HDLBP: variants seen among roughly 807,000 people sequenced by gnomAD.
The protein encoded by HDLBP is high density lipoprotein binding protein, also known as vigilin.
HDLBP carries 30 observed loss-of-function variants against 137.3 expected under a neutral mutation model. The observed-to-expected ratio is 0.22, with a 90% confidence interval of 0.16 to 0.30. The LOEUF is 0.30. Ranked by LOEUF, HDLBP falls within the 10% of genes least tolerant of loss-of-function variation. The pLI is 1.00. For missense variants in HDLBP, 1,119 were observed against 1,667.3 expected, an observed-to-expected ratio of 0.67 and a Z score of 5.73; for synonymous variants, 606 against 596.0, an observed-to-expected ratio of 1.02 and a Z score of -0.24.
At chr2:241,268,613 C>A in intron 1 of HDLBP, 72 bp from the exon 2 acceptor site, 1 of 509,696 alleles carries the variant, frequency 2.0e-6, no homozygotes, top group Non-Finnish European at 2.5e-6. Context: ...CATTTTACAA[C>A]TCAGATCTTT....
At chr2:241,247,843 C>CGTCA (rs1481667265) in intron 14 of HDLBP, among the ~76,000 whole-genome samples, 160 bp downstream of exon 14, 3 of 152,118 alleles carry the variant, frequency 2.0e-5, no homozygotes. Context: ...AGTGAGAAGC[C>CGTCA]GTCACCACTT....
intron 24 of HDLBP, among the ~76,000 whole-genome samples, chr2:241,231,951 C>T (rs1047807871): frequency 2.6e-5 from 4 of 151,312 alleles, no homozygotes; most frequent in Non-Finnish European, 5.9e-5. Flanking sequence ...CAACACGGAA[C>T]CATCATCACG....
At chr2:241,262,993 A>C in intron 4 of HDLBP, 67 bp from the exon 5 acceptor site, 1 of 1,221,608 alleles carries the variant, frequency 8.2e-7, no homozygotes. Flanking sequence ...TAGGGAGTAA[A>C]GAACATGTGT....
At chr2:241,302,467 C>G (rs2075428158) in intron 1 of HDLBP, among the ~76,000 whole-genome samples, 1 of 152,178 alleles carries the variant, frequency 6.6e-6, no homozygotes, top group South Asian at 2.1e-4. Flanking sequence ...TACTTGAGCT[C>G]AGGAGTTAGA....
chr2:241,268,604 AT>A, intron 1 of HDLBP, 63 bp from the exon 2 acceptor site: 1 of 559,962 alleles, frequency 1.8e-6, no homozygotes, highest in Non-Finnish European at 2.3e-6. Flanking sequence ...ACTTATCTAC[AT>A]TTTACAACTC....
chr2:241,254,191 G>T (rs2072431942), intron 9 of HDLBP, among the ~76,000 whole-genome samples: 1 of 152,124 alleles, frequency 6.6e-6, no homozygotes, highest in Non-Finnish European at 1.5e-5. Flanking sequence ...CTTGACCCAT[G>T]AGTTCAAGGC....
Position 241,240,157 on chromosome 2 carries a change from C to T in HDLBP, c.2170-35G>A. ...CCAATCCCACTGTGTTAGCCTGACA[C>T]CACGTGCCTGGACCACAGTGAGGAA... On this transcript the variant is annotated intron_variant, in intron 17 of 27. Transcript: ENST00000310931. This position sits in a 1 kb window ranked among gnomAD's most constrained non-coding sequence, Gnocchi z 5.5. 1.3e-6 allele frequency: 2 copies of T among 1,599,746 alleles called. No individual in the cohort carries two copies. The highest frequency in any genetic ancestry group is 1.1e-5 in the South Asian group (1 of 90,776).
intron 1 of HDLBP, among the ~76,000 whole-genome samples, chr2:241,270,282 C>T (rs2073955484): frequency 6.6e-6 from 1 of 152,180 alleles, no homozygotes; most frequent in African/African-American, 2.4e-5. Flanking sequence ...TGCACAGACC[C>T]TCAGGCAGCC....
intron 1 of HDLBP, among the ~76,000 whole-genome samples, chr2:241,296,639 A>C (rs368740971): frequency 2.2e-4 from 34 of 152,344 alleles, no homozygotes; most frequent in African/African-American, 7.7e-4. Context: ...ATTGCCCACA[A>C]ACACACGAAT....
intron 1 of HDLBP, among the ~76,000 whole-genome samples, chr2:241,275,289 A>T (rs1024548418): frequency 6.6e-6 from 1 of 152,222 alleles, no homozygotes; most frequent in Non-Finnish European, 1.5e-5. Context: ...AAAAGAAGGA[A>T]GGATGGATTA....
chr2:241,253,313 T>G (rs2072348483), intron 10 of HDLBP, 80 bp downstream of exon 10: 2 of 944,328 alleles, frequency 2.1e-6, no homozygotes, highest in Non-Finnish European at 1.8e-6. Flanking sequence ...ATGTGGGATG[T>G]CATCGAGAGA....
intron 16 of HDLBP, chr2:241,242,907 G>A: frequency 1.8e-6 from 1 of 559,762 alleles, no homozygotes; most frequent in Admixed American, 3.0e-5. Flanking sequence ...AGGCGCGCTG[G>A]GAGGTGTTTA....
intron 1 of HDLBP, chr2:241,269,580 A>G (rs780533554): frequency 6.6e-6 from 1 of 152,250 alleles, no homozygotes; most frequent in South Asian, 2.1e-4. Flanking sequence ...AACCAGAGAC[A>G]CTATGGGGCC....
intron 5 of HDLBP, among the ~76,000 whole-genome samples, chr2:241,260,815 G>C (rs1038411643): frequency 6.6e-6 from 1 of 151,968 alleles, no homozygotes; most frequent in Non-Finnish European, 1.5e-5. Flanking sequence ...AGCCCCTAGA[G>C]ATCTAACACC....
intron 20 of HDLBP, among the ~76,000 whole-genome samples, chr2:241,237,241 G>T (rs2070655558): frequency 6.6e-6 from 1 of 152,186 alleles, no homozygotes; most frequent in African/African-American, 2.4e-5. Context: ...GAGAGGTCTA[G>T]GGGAGACAGA....
chr2:241,251,159 A>C (rs1428241026), intron 11 of HDLBP, among the ~76,000 whole-genome samples: 1 of 152,008 alleles, frequency 6.6e-6, no homozygotes, highest in South Asian at 2.1e-4. Context: ...GGGTCTCACT[A>C]TGTTGCCCAG....
At chr2:241,243,228 C>T (rs1204239143) in intron 16 of HDLBP, among the ~76,000 whole-genome samples, 1 of 152,160 alleles carries the variant, frequency 6.6e-6, no homozygotes, top group Non-Finnish European at 1.5e-5. Flanking sequence ...GGTGAGGAAA[C>T]AGAACCATCC....
intron 9 of HDLBP, 116 bp from the exon 10 acceptor site, chr2:241,253,613 T>C: frequency 1.4e-6 from 1 of 705,442 alleles, no homozygotes. Context: ...TTCACATAGA[T>C]GTGAGGGAGG....
At chr2:241,244,571 C>T (rs1444801860) in intron 16 of HDLBP, among the ~76,000 whole-genome samples, 1 of 152,122 alleles carries the variant, frequency 6.6e-6, no homozygotes, top group Non-Finnish European at 1.5e-5. Flanking sequence ...ACCTAGAAAC[C>T]TTTATGCAGC....
Sources: allele counts gnomAD v4.1 joint callset (sites outside exome capture counted in the v4.1 genomes callset), GRCh38; gene constraint gnomAD v4.1.1; non-coding constraint Gnocchi (gnomAD v3.1); transcripts MANE v1.5; gene names NCBI Gene and HGNC (gene_info 2026-07-23, HGNC 2026-07-21).